The following ARAP2 variants were observed in gnomAD, a reference collection of about 807,000 sequenced individuals.
ARAP2 encodes the protein ArfGAP with RhoGAP domain, ankyrin repeat and PH domain 2.
In ARAP2, 148 loss-of-function variants were observed where a neutral mutation model predicts 194.5. The ratio of observed to expected loss-of-function variants is 0.76; its 90% confidence interval spans 0.67 to 0.87. The LOEUF is 0.87. ARAP2 is among the 40% of genes least tolerant of loss of function. The probability of loss-of-function intolerance (pLI) is 0.00; values close to 1 mark genes in which losing one functional copy is unlikely to be tolerated. For synonymous variants in ARAP2, 695 were observed against 683.5 expected (o/e 1.02, Z -0.26); for missense variants, 2,128 against 1,989.7 (o/e 1.07, Z -1.32).
At chr4:36,043,311 G>GA (rs1319631081) in intron 5 of ARAP2, among the ~76,000 whole-genome samples, 1 of 152,056 alleles carries the variant, frequency 6.6e-6, no homozygotes, top group Non-Finnish European at 1.5e-5. Context: ...TCACTAATAT[G>GA]AAAAAACTGA....
chr4:36,113,397 C>T (rs1287430121), intron 26 of ARAP2, among the ~76,000 whole-genome samples: 1 of 151,882 alleles, frequency 6.6e-6, no homozygotes, highest in Admixed American at 6.6e-5. Context: ...ACTGACAATC[C>T]CGTTTCATTT....
chr4:36,205,324 G>A (rs10031276), intron 6 of ARAP2, among the ~76,000 whole-genome samples: 132,226 of 152,066 alleles, frequency 0.87, 57,651 homozygotes, highest in East Asian at 0.95. Flanking sequence ...TATAAAAACA[G>A]TAAGACATAT....
chr4:36,170,366 T>C lies in ARAP2; in HGVS notation c.1858-3319A>G, dbSNP rs565524551. On this transcript the variant is annotated intron_variant, in intron 9 of 32. Coordinates refer to ENST00000303965, the MANE Select transcript of ARAP2 (RefSeq NM_015230.4). ...ACTTTGGGAGGCCAAGGTGAGAGGA[T>C]TGCTTGAGGCCAGGAGTTCAAGACC... 2.4e-4 allele frequency among the ~76,000 whole-genome samples: 36 copies of C among 152,298 alleles called. 1 individual carries two copies. In the South Asian group the frequency reaches 6.2e-3, roughly 26 times the overall value.
intron 2 of ARAP2, among the ~76,000 whole-genome samples, chr4:36,222,799 C>A (rs939582270): frequency 6.6e-6 from 1 of 151,884 alleles, no homozygotes; most frequent in Admixed American, 6.6e-5. Context: ...TGAAATTTTC[C>A]AATTTATAAA....
At chr4:36,210,182 T>G (rs939609228) in intron 6 of ARAP2, among the ~76,000 whole-genome samples, 2 of 152,164 alleles carry the variant, frequency 1.3e-5, no homozygotes, top group Non-Finnish European at 2.9e-5. Flanking sequence ...ACTCTGGACC[T>G]TAATGCAGCA....
chr4:36,187,591 A>T lies in ARAP2; in HGVS notation c.1558-20T>A. ...CATCTCCTGTATTGGTTAGAAAAAAAGAGAAGACATATGAAAACGAAATTC... is the reference window on the plus strand; with the variant it reads ...CATCTCCTGTATTGGTTAGAAAAAATGAGAAGACATATGAAAACGAAATTC... On this transcript the variant is annotated intron_variant, in intron 7 of 32. Coordinates refer to ENST00000303965, the MANE Select transcript of ARAP2 (RefSeq NM_015230.4). The T allele has an allele frequency of 6.5e-7, 1 of 1,527,690 alleles. No homozygotes were observed. The highest frequency in any genetic ancestry group is 2.4e-5 in the East Asian group (1 of 41,244). The allele number at this position is 1,527,690 out of a possible 1,614,324, so 94.6% of individuals were successfully genotyped here. A position where few individuals can be genotyped will look rare whatever the true frequency, so the allele number is the denominator to read the frequency against.
At position 36,124,923 on chromosome 4, in the gene ARAP2, T is replaced by A; in HGVS notation, c.3685A>T (p.Ile1229Leu). Reference sequence around the variant, plus strand: ...CGGTTGACCCCTGGAAGAGAACGTATAAATGCTCCATATTTTTTAATTCTT... The same window carrying A: ...CGGTTGACCCCTGGAAGAGAACGTAAAAATGCTCCATATTTTTTAATTCTT... Reference protein sequence around the residue: ...KERIKKYGAFIRSLPGVNRAT... With the variant: ...KERIKKYGAFLRSLPGVNRAT... Residue 1229 changes from isoleucine to leucine, a missense_variant, in exon 22 of 33, where the codon ATA becomes TTA. Ile to Leu is a conservative substitution (Grantham distance 5). Transcript: ENST00000303965. 4.3e-6 allele frequency: 7 copies of A among 1,611,196 alleles called. No homozygotes were observed. Among genetic ancestry groups the A allele is most frequent in the Non-Finnish European group, 5.9e-6 (7 of 1,178,230 alleles).
At position 36,107,633 on chromosome 4, in the gene ARAP2, G is replaced by C. The variant is rs761889315; in HGVS notation, c.4217C>G (p.Ala1406Gly). The change falls in exon 27 of 33, where the codon GCT becomes GGT. Residue 1406 changes from alanine (A) to glycine (G), a missense_variant. Physicochemically the swap from Ala to Gly is moderately conservative, Grantham distance 60. Transcript: ENST00000303965. ...CACCAGGTAAGCAGAGCCAGGTTCA[G>C]CTAATGAACTCCACCGAAGCACCTG... is the stretch of plus-strand genomic sequence containing the variant. ...LEQVLRWSSLAEPGSAYLVVK... is the reference protein window; with the variant it reads ...LEQVLRWSSLGEPGSAYLVVK... The C allele has an allele frequency of 7.4e-6, 12 of 1,610,942 alleles. No individual in the cohort carries two copies. Among genetic ancestry groups the C allele is most frequent in the Non-Finnish European group, 1.0e-5 (12 of 1,178,142 alleles).
Position 36,212,156 on chromosome 4 carries a change from G to A in ARAP2, c.1133+240C>T, listed in dbSNP as rs554781168. ...ATTTGCTACTGTGGGGAAGGGGTGT[G>A]GTTTCCATTAGAAAAAGACAAAAAT... is the stretch of plus-strand genomic sequence containing the variant. On this transcript the variant is annotated intron_variant, in intron 5 of 32. Coordinates refer to ENST00000303965, the MANE Select transcript of ARAP2 (RefSeq NM_015230.4). Among the ~76,000 whole-genome samples the A allele has an allele frequency of 1.1e-4, 9 of 83,758 alleles. No individual in the cohort carries two copies. The East Asian group carries it at 3.2e-3, about 30-fold the overall frequency. 54.9% of individuals were successfully genotyped at this position (83,758 alleles called of 152,430 possible).
chr4:36,050,492 T>G (rs771524110), intron 3 of ARAP2, among the ~76,000 whole-genome samples: 1 of 152,200 alleles, frequency 6.6e-6, no homozygotes. Flanking sequence ...AGGATTTTCA[T>G]GTGTGGCGTT....
intron 6 of ARAP2, among the ~76,000 whole-genome samples, chr4:36,204,987 CAAAAAAAAAAAAAAAAAAA>C (rs754960122): frequency 1.1e-4 from 4 of 35,072 alleles, no homozygotes; most frequent in African/African-American, 4.0e-4. Context: ...GACTCCATCT[CAAAAAAAAAAAAAAAAAAA>C]AAAAAAAAAA....
At chr4:36,142,557 T>G (rs1387704759) in intron 19 of ARAP2, among the ~76,000 whole-genome samples, 2 of 151,460 alleles carry the variant, frequency 1.3e-5, no homozygotes, top group Non-Finnish European at 3.0e-5. Flanking sequence ...GGACTCCAAA[T>G]CACTTATCTT....
chr4:36,160,186 C>A, intron 13 of ARAP2: 2 of 1,073,800 alleles, frequency 1.9e-6, no homozygotes, highest in Non-Finnish European at 2.2e-6. Context: ...TCAGACTTCA[C>A]TTTACTGGAT....
intron 9 of ARAP2, among the ~76,000 whole-genome samples, chr4:36,167,950 T>C (rs750253390): frequency 1.3e-5 from 2 of 151,380 alleles, no homozygotes; most frequent in Non-Finnish European, 2.9e-5. Flanking sequence ...AAATTCAGAC[T>C]AAATGTGCTC....
At chr4:36,023,932 A>G (rs1011172348) in intron 5 of ARAP2, among the ~76,000 whole-genome samples, 16 of 150,190 alleles carry the variant, frequency 1.1e-4, no homozygotes, top group Admixed American at 6.1e-4. Flanking sequence ...GCGATAGTTT[A>G]CTGAGAATGA....
chr4:36,156,836 A>G (rs1341735456), intron 15 of ARAP2, among the ~76,000 whole-genome samples: 6 of 152,368 alleles, frequency 3.9e-5, no homozygotes, highest in Admixed American at 1.3e-4. Flanking sequence ...CTTTCGTATT[A>G]CCTAAAATGC....
chr4:36,011,284 GA>G (rs1415269827), intron 9 of ARAP2, among the ~76,000 whole-genome samples: 1 of 152,022 alleles, frequency 6.6e-6, no homozygotes, highest in Admixed American at 6.6e-5. Context: ...TCTTATAAGG[GA>G]ACGTCTGTAT....
At chr4:36,205,135 G>C (rs1048116053) in intron 6 of ARAP2, among the ~76,000 whole-genome samples, 2 of 150,002 alleles carry the variant, frequency 1.3e-5, no homozygotes, top group Non-Finnish European at 2.9e-5. Context: ...AGCCTTTATA[G>C]TTATACTATA....
chr4:36,197,979 T>A (rs540667062), intron 6 of ARAP2, among the ~76,000 whole-genome samples: 2 of 152,098 alleles, frequency 1.3e-5, no homozygotes, highest in Admixed American at 1.3e-4. Flanking sequence ...CATAACATGA[T>A]GAGAAGGCGA....
Sources: gnomAD v4.1 joint callset for allele counts (sites outside exome capture counted in the v4.1 genomes callset) on GRCh38, gnomAD v4.1.1 for gene constraint, MANE v1.5 for transcripts, NCBI Gene and HGNC (gene_info 2026-07-23, HGNC 2026-07-21) for gene names.